Variants in ANXA3 observed in about 807,000 individuals in gnomAD.
ANXA3 encodes the protein 35-alpha calcimedin.
ANXA3 carries 46 observed loss-of-function variants against 48.8 expected under a neutral mutation model. The ratio of observed to expected loss-of-function variants is 0.94; its 90% CI spans 0.74 to 1.21. ANXA3 has a LOEUF of 1.21. Ranked by LOEUF, ANXA3 falls within the 50% of genes most tolerant of loss-of-function variation. ANXA3 has a pLI of 0.00. For missense variants in ANXA3, 383 were observed against 378.6 expected, an observed-to-expected ratio of 1.01 and a Z score of -0.10; for synonymous variants, 128 against 134.7, an observed-to-expected ratio of 0.95 and a Z score of 0.35.
At chr4:78,579,670 T>C (rs1160771992) in intron 4 of ANXA3, among the ~76,000 whole-genome samples, 1 of 152,234 alleles carries the variant, frequency 6.6e-6, no homozygotes, top group African/African-American at 2.4e-5. Context: ...AGAAACTATA[T>C]AAGAACAAGT....
chr4:78,577,853 T>G (rs1477494219), intron 3 of ANXA3, among the ~76,000 whole-genome samples: 1 of 152,176 alleles, frequency 6.6e-6, no homozygotes. Context: ...GACACAACTT[T>G]CCACGTTTTT....
intron 2 of ANXA3, among the ~76,000 whole-genome samples, chr4:78,559,210 G>C (rs1017272165): frequency 4.6e-5 from 7 of 151,966 alleles, no homozygotes; most frequent in Admixed American, 2.0e-4. Context: ...CTCCTGAGTA[G>C]GTGGGACCAC....
At chr4:78,577,585 A>G (rs1050992633) in intron 3 of ANXA3, among the ~76,000 whole-genome samples, 17 of 152,236 alleles carry the variant, frequency 1.1e-4, no homozygotes, top group African/African-American at 3.6e-4. Flanking sequence ...CCAAAGACAC[A>G]GAAAGGCAGC....
chr4:78,607,517 A>T (rs7686273), intron 12 of ANXA3, among the ~76,000 whole-genome samples: 17,071 of 152,192 alleles, frequency 0.11, 1,100 homozygotes, highest in East Asian at 0.28. Flanking sequence ...AGAAGATATT[A>T]TGGAAAATTT....
chr4:78,583,208 A>G (rs1349211392), intron 5 of ANXA3, among the ~76,000 whole-genome samples: 1 of 152,106 alleles, frequency 6.6e-6, no homozygotes, highest in African/African-American at 2.4e-5. Flanking sequence ...TGTGCATAGT[A>G]GTGCATTCCT....
chr4:78,561,565 C>T (rs1440877506), intron 2 of ANXA3, among the ~76,000 whole-genome samples: 1 of 152,088 alleles, frequency 6.6e-6, no homozygotes, highest in Non-Finnish European at 1.5e-5. Context: ...TGTGATTGCT[C>T]TTCTTTGCTA....
Position 78,604,315 on chromosome 4 carries a change from G to A in ANXA3, c.828G>A (p.Met276Ile). ...ATGAGTTTACTCTGAACCGAATAAT[G>A]GTGTCCAGATCAGAAATTGACCTTT... is the stretch of plus-strand genomic sequence containing the variant. ...GTDEFTLNRI[M>I]VSRSEIDLLD... Residue 276 changes from methionine to isoleucine, a missense_variant, in exon 12 of 13, where the codon ATG (methionine) becomes ATA (isoleucine). Coordinates refer to ENST00000264908, the MANE Select transcript of ANXA3 (RefSeq NM_005139.3). 1.2e-6 allele frequency: 2 copies of A among 1,613,224 alleles called. No individual in the cohort carries two copies. The highest frequency in any genetic ancestry group is 1.3e-5 in the African/African-American group (1 of 75,020).
At chr4:78,590,780 G>A (rs1402734747) in intron 6 of ANXA3, among the ~76,000 whole-genome samples, 2 of 151,724 alleles carry the variant, frequency 1.3e-5, no homozygotes, top group Non-Finnish European at 2.9e-5. Flanking sequence ...TATTCATTAA[G>A]ATTAGGGTTA....
intron 12 of ANXA3, among the ~76,000 whole-genome samples, chr4:78,605,520 CAT>C (rs1414990193): frequency 6.6e-6 from 1 of 152,096 alleles, no homozygotes; most frequent in African/African-American, 2.4e-5. Context: ...TTTGTCTGGT[CAT>C]ATTTTCCCAG....
chr4:78,556,664 G>C (rs1166111003), intron 2 of ANXA3, among the ~76,000 whole-genome samples: 1 of 152,114 alleles, frequency 6.6e-6, no homozygotes, highest in Non-Finnish European at 1.5e-5. Flanking sequence ...CCTTCTCACT[G>C]GCTAGGAGGC....
At chr4:78,554,946 C>T (rs1046677242) in intron 2 of ANXA3, among the ~76,000 whole-genome samples, 1 of 152,188 alleles carries the variant, frequency 6.6e-6, no homozygotes, top group Non-Finnish European at 1.5e-5. Context: ...TGGCTCACAC[C>T]TGTAATCCTA....
chr4:78,592,583 G>A (rs1227889763), intron 7 of ANXA3, among the ~76,000 whole-genome samples: 1 of 152,208 alleles, frequency 6.6e-6, no homozygotes, highest in Admixed American at 6.5e-5. Context: ...ACAGGAGGCA[G>A]TATAGAGTAG....
chr4:78,554,457 G>A lies in ANXA3; in HGVS notation c.-17G>A. ...ATAGATTAGTGTGATCTCAGCTCAA[G>A]GCAAAGGTGGGATATCATGGCATCT... On this transcript the variant is annotated 5_prime_UTR_variant, in exon 2 of 13. Coordinates refer to ENST00000264908, the MANE Select transcript of ANXA3 (RefSeq NM_005139.3). 1 of 1,611,886 alleles carries A rather than the reference G, an allele frequency of 6.2e-7. No individual in the cohort carries two copies. Among genetic ancestry groups the A allele is most frequent in the South Asian group, 1.1e-5 (1 of 91,052 alleles).
At chr4:78,605,646 G>T (rs1723631201) in intron 12 of ANXA3, among the ~76,000 whole-genome samples, 1 of 152,030 alleles carries the variant, frequency 6.6e-6, no homozygotes, top group Non-Finnish European at 1.5e-5. Flanking sequence ...TAAAAAATCT[G>T]GTCCCTTCTG....
chr4:78,566,871 C>T (rs921119011), intron 2 of ANXA3, among the ~76,000 whole-genome samples: 1 of 152,128 alleles, frequency 6.6e-6, no homozygotes, highest in Non-Finnish European at 1.5e-5. Context: ...TTTGAGTGAG[C>T]CCAAGAACAA....
intron 2 of ANXA3, among the ~76,000 whole-genome samples, chr4:78,566,957 C>A (rs934327750): frequency 2.6e-5 from 4 of 152,210 alleles, no homozygotes; most frequent in Admixed American, 1.3e-4. Flanking sequence ...TCTCAGGGAT[C>A]CCAGCGTCTG....
chr4:78,595,853 C>T lies in ANXA3; in HGVS notation c.600C>T (p.Ile200=). The change falls in exon 9 of 13, where the codon ATC becomes ATT. Residue 200 remains isoleucine, a synonymous_variant. Transcript: ENST00000264908. ...CGGATGAAGACAAATTCACTGAGAT[C>T]CTGTGTTTAAGGAGCTTTCCTCAAT... ...WGTDEDKFTE[I]LCLRSFPQLK... is the part of the protein sequence containing the mutation. 3 of 1,611,972 alleles carry T rather than the reference C, an allele frequency of 1.9e-6. No individual in the cohort carries two copies. Among genetic ancestry groups the T allele is most frequent in the Non-Finnish European group, 2.5e-6 (3 of 1,178,188 alleles).
At chr4:78,563,688 T>C (rs770361907) in intron 2 of ANXA3, among the ~76,000 whole-genome samples, 3 of 152,182 alleles carry the variant, frequency 2.0e-5, no homozygotes, top group Non-Finnish European at 4.4e-5. Context: ...CAGTTTGTGG[T>C]ATTTTGTTAT....
chr4:78,610,023 G>C (rs754069627), intron 12 of ANXA3, 33 bp from the exon 13 acceptor site: 53 of 1,514,022 alleles, frequency 3.5e-5, no homozygotes, highest in Non-Finnish European at 4.8e-5. Context: ...TATTTATACT[G>C]TATTTGTTCT....
Sources: gnomAD v4.1 joint callset for allele counts (sites outside exome capture counted in the v4.1 genomes callset) on GRCh38, gnomAD v4.1.1 for gene constraint, MANE v1.5 for transcripts, NCBI Gene and HGNC (gene_info 2026-07-23, HGNC 2026-07-21) for gene names.